The following FAM81A variants were observed in gnomAD, a reference collection of about 807,000 sequenced individuals.
FAM81A encodes family with sequence similarity 81 member A, also known as protein FAM81A.
FAM81A carries 19 observed loss-of-function variants against 46.7 expected under a neutral mutation model. That is an observed-to-expected ratio of 0.41 (90% CI 0.28 to 0.60). The LOEUF (loss-of-function observed/expected upper bound fraction) is 0.60. FAM81A is among the 20% of genes least tolerant of loss of function. The pLI, the probability that FAM81A is intolerant of heterozygous loss-of-function variation, is 0.34. For missense variants in FAM81A, 377 were observed against 453.5 expected, an observed-to-expected ratio of 0.83 and a Z score of 1.53; for synonymous variants, 183 against 152.9, an observed-to-expected ratio of 1.20 and a Z score of -1.45.
intron 3 of FAM81A, among the ~76,000 whole-genome samples, chr15:59,475,990 T>G (rs1434329743): frequency 6.6e-6 from 1 of 152,210 alleles, no homozygotes; most frequent in Non-Finnish European, 1.5e-5. Flanking sequence ...TTCTGGAGAC[T>G]GGGAAGTCCA....
rs748851212 is a variant in FAM81A at position 59,497,860 on chromosome 15, A to T, written c.413+5471A>T. Among the ~76,000 whole-genome samples, 8 of 152,280 alleles carry T rather than the reference A, an allele frequency of 5.3e-5. No individual in the cohort carries two copies. The Middle Eastern group carries it at 0.017, about 324-fold the overall frequency. ...AAAATAAACAAATAAGCCTTTATTT[A>T]AAAAAAATTTTTTTAGAAACATTGT... On this transcript the variant is annotated intron_variant, in intron 4 of 8. Coordinates refer to ENST00000288228, the MANE Select transcript of FAM81A (RefSeq NM_152450.3).
chr15:59,482,143 TA>T (rs1158421484), intron 3 of FAM81A, among the ~76,000 whole-genome samples: 2 of 152,210 alleles, frequency 1.3e-5, no homozygotes, highest in Non-Finnish European at 2.9e-5. Context: ...TTGAACCTTT[TA>T]AAAAATGTGT....
Position 59,432,984 on chromosome 15 carries a change from T to C in FAM81A, c.-77-25566T>C, listed in dbSNP as rs192307254. On this transcript the variant is annotated intron_variant, in intron 2 of 4. Transcript: ENST00000558348. ...CCCCGTCTCTATTAAAAAAAAAAAA[T>C]ACAAAAAATTAGCTGGGCATGGTGG... Among the ~76,000 whole-genome samples, 168 of 132,776 alleles carry C rather than the reference T, an allele frequency of 1.3e-3. 2 individuals carry two copies. Among genetic ancestry groups the C allele is most frequent in the African/African-American group, 4.2e-3 (157 of 37,474 alleles). The allele number at this position is 132,776 out of a possible 152,430, so 87.1% of individuals were successfully genotyped here.
At chr15:59,489,258 C>T (rs2081955247) in intron 3 of FAM81A, among the ~76,000 whole-genome samples, 1 of 149,850 alleles carries the variant, frequency 6.7e-6, no homozygotes, top group Admixed American at 6.8e-5. Context: ...GAGCGAGACT[C>T]CATCTCAAAT....
chr15:59,514,462 T>C, intron 7 of FAM81A, 38 bp downstream of exon 7: 1 of 1,604,074 alleles, frequency 6.2e-7, no homozygotes, highest in African/African-American at 1.3e-5. Flanking sequence ...AGTAAAGTTA[T>C]TCAGTGGGGG....
chr15:59,509,959 G>A (rs2082187744), intron 6 of FAM81A, among the ~76,000 whole-genome samples: 2 of 152,146 alleles, frequency 1.3e-5, no homozygotes, highest in Non-Finnish European at 2.9e-5. Flanking sequence ...CCCAACCTAT[G>A]CCTAATGAGA....
Position 59,460,309 on chromosome 15 carries a change from T to A in FAM81A, c.294+103T>A. On this transcript the variant is annotated intron_variant, in intron 3 of 8. Transcript: ENST00000288228. This position sits in a 1 kb window ranked among gnomAD's most constrained non-coding sequence, Gnocchi z 4.4. ...CTCCTACCTCCCAGGCAGTACTGCA[T>A]TTAGAACAAAGCTGTCTGTCTTGTC... 6.9e-7 allele frequency: 1 copy of A among 1,445,262 alleles called. No homozygotes were observed. Among genetic ancestry groups the A allele is most frequent in the Non-Finnish European group, 9.7e-7 (1 of 1,030,910 alleles). The allele number at this position is 1,445,262 out of a possible 1,614,324, so 89.5% of individuals were successfully genotyped here. A position where few individuals can be genotyped will look rare whatever the true frequency, so the allele number is the denominator to read the frequency against.
At chr15:59,481,663 CAT>C (rs1299384440) in intron 3 of FAM81A, among the ~76,000 whole-genome samples, 1 of 151,910 alleles carries the variant, frequency 6.6e-6, no homozygotes, top group African/African-American at 2.4e-5. Flanking sequence ...AAATACTTGA[CAT>C]GTGTATCACA....
At position 59,521,590 on chromosome 15, in the gene FAM81A, CA is replaced by C. The variant is rs1452850434; in HGVS notation, c.*213del. On this transcript the variant is annotated 3_prime_UTR_variant, in exon 9 of 9. Transcript: ENST00000288228. ...AAATACAGTTTTTACCAGTTTATTT[CA>C]CTTCTCTAAATTCAATGGAAATCCC... 14 of 455,600 alleles carry C rather than the reference CA, an allele frequency of 3.1e-5. No individual in the cohort carries two copies. Among genetic ancestry groups the C allele is most frequent in the Middle Eastern group, 1.2e-3 (2 of 1,694 alleles). 28.2% of individuals were successfully genotyped at this position (455,600 alleles called of 1,614,324 possible).
At chr15:59,402,885 T>C (rs113605407) in intron 2 of FAM81A, among the ~76,000 whole-genome samples, 22 of 152,262 alleles carry the variant, frequency 1.4e-4, no homozygotes, top group African/African-American at 5.1e-4. Flanking sequence ...TTTAATAGCA[T>C]TTCTAAATCA....
chr15:59,424,376 A>G (rs1442138347), intron 2 of FAM81A, among the ~76,000 whole-genome samples: 2 of 152,126 alleles, frequency 1.3e-5, no homozygotes, highest in Non-Finnish European at 2.9e-5. Context: ...TGAACCCCAT[A>G]CATTTCCCCA....
chr15:59,488,967 T>TTAAA (rs2081951231), intron 3 of FAM81A, among the ~76,000 whole-genome samples: 1 of 147,336 alleles, frequency 6.8e-6, no homozygotes, highest in Non-Finnish European at 1.5e-5. Flanking sequence ...GTCTCAATAA[T>TTAAA]TAAATAAATA....
In FAM81A at chr15:59,492,533, C is replaced by G. The variant is rs2081992437; in HGVS notation, c.413+144C>G. On this transcript the variant is annotated intron_variant, in intron 4 of 8. Transcript: ENST00000288228. ...TCCCTCCCTGCTTTGGCCATAAAATCCAGTGGTAGGAGTTAAACCTGGTTG... is the reference window on the plus strand; with the variant it reads ...TCCCTCCCTGCTTTGGCCATAAAATGCAGTGGTAGGAGTTAAACCTGGTTG... The G allele has an allele frequency of 1.2e-5, 8 of 656,478 alleles. No homozygotes were observed. The South Asian group carries it at 1.6e-4, about 13-fold the overall frequency. The allele number at this position is 656,478 out of a possible 1,614,324, so 40.7% of individuals were successfully genotyped here.
chr15:59,439,270 T>C (rs2081271489), intron 1 of FAM81A, among the ~76,000 whole-genome samples: 1 of 152,148 alleles, frequency 6.6e-6, no homozygotes, highest in African/African-American at 2.4e-5. Flanking sequence ...GGGCAAACAT[T>C]TGCAACTTGC....
At chr15:59,495,024 C>G (rs1261703341) in intron 4 of FAM81A, among the ~76,000 whole-genome samples, 3 of 152,222 alleles carry the variant, frequency 2.0e-5, no homozygotes, top group African/African-American at 2.4e-5. Flanking sequence ...TCCTCTCTCT[C>G]TCTGAACACC....
intron 3 of FAM81A, among the ~76,000 whole-genome samples, chr15:59,482,425 T>A (rs930662397): frequency 1.3e-5 from 2 of 152,192 alleles, no homozygotes; most frequent in East Asian, 3.9e-4. Context: ...CCCGCCACCA[T>A]GCCTGGCTAA....
intron 4 of FAM81A, 129 bp from the exon 5 acceptor site, chr15:59,507,084 C>T: frequency 8.3e-7 from 1 of 1,209,888 alleles, no homozygotes; most frequent in Non-Finnish European, 1.1e-6. Context: ...TCATTTGAAC[C>T]TCTGTTCAAA....
intron 6 of FAM81A, among the ~76,000 whole-genome samples, chr15:59,510,730 A>G (rs2082197684): frequency 7.7e-6 from 1 of 129,676 alleles, no homozygotes; most frequent in Non-Finnish European, 1.6e-5. Context: ...GTGAGCTATG[A>G]TTGAGCCACT....
intron 2 of FAM81A, chr15:59,407,073 T>C (rs1018473899): frequency 1.3e-4 from 21 of 160,720 alleles, no homozygotes; most frequent in Non-Finnish European, 2.4e-4. Flanking sequence ...GATCTCATCG[T>C]ATCTGCTGTT....
Sources: gnomAD v4.1 joint callset for allele counts (sites outside exome capture counted in the v4.1 genomes callset) on GRCh38, gnomAD v4.1.1 for gene constraint, Gnocchi (gnomAD v3.1) non-coding constraint, MANE v1.5 for transcripts, NCBI Gene and HGNC (gene_info 2026-07-23, HGNC 2026-07-21) for gene names.